GRM4: variants seen among roughly 807,000 people sequenced by gnomAD.
The protein encoded by GRM4 is metabotropic glutamate receptor 4.
In GRM4, 28 loss-of-function variants were observed where a neutral mutation model predicts 81.7. The ratio of observed to expected loss-of-function variants is 0.34; its 90% CI spans 0.25 to 0.47. The LOEUF (loss-of-function observed/expected upper bound fraction) is 0.47, where lower values mean the gene tolerates loss of function less well. Ranked by LOEUF, GRM4 falls within the 20% of genes least tolerant of loss-of-function variation. The probability of loss-of-function intolerance (pLI) is 1.00; values close to 1 mark genes in which losing one functional copy is unlikely to be tolerated. For missense variants in GRM4, 948 were observed against 1,290.0 expected (o/e 0.73, Z 4.06); for synonymous variants, 488 against 528.8 (o/e 0.92, Z 1.06).
intron 2 of GRM4, chr6:34,100,071 T>G (rs979079200): frequency 1.0e-6 from 1 of 982,884 alleles, no homozygotes; most frequent in African/African-American, 1.7e-5. Context: ...ACTCCTGCCC[T>G]GAGCATCTGG....
chr6:34,067,438 GTCCT>G (rs1336558101), intron 3 of GRM4, among the ~76,000 whole-genome samples: 1 of 39,234 alleles, frequency 2.5e-5, no homozygotes, highest in African/African-American at 1.0e-4. Flanking sequence ...CCCTCCCTCC[GTCCT>G]TCCTTCCCTC....
intron 8 of GRM4, among the ~76,000 whole-genome samples, chr6:34,038,312 C>T (rs1460725991): frequency 6.6e-6 from 1 of 152,254 alleles, no homozygotes. Flanking sequence ...CCCTTTGTTA[C>T]TTGGAGTGAC....
At position 34,136,732 on chromosome 6, in the gene GRM4, A is replaced by C. The variant is rs989946029; in HGVS notation, c.-363-2873T>G. 1.3e-5 allele frequency among the ~76,000 whole-genome samples: 2 copies of C among 152,004 alleles called. No homozygotes were observed. Among genetic ancestry groups the C allele is most frequent in the Non-Finnish European group, 2.9e-5 (2 of 68,002 alleles). ...CCCTGCGAGACTTCCCTCCCACAGG[A>C]CTGGGTCCCAGCCCCTGCCCACAGG... is the stretch of plus-strand genomic sequence containing the variant. On this transcript the variant is annotated intron_variant, in intron 1 of 10. Transcript: ENST00000538487. This position sits in a 1 kb window ranked among gnomAD's most constrained non-coding sequence, Gnocchi z 4.1.
intron 1 of GRM4, chr6:34,155,028 T>C: frequency 7.2e-7 from 1 of 1,398,572 alleles, no homozygotes; most frequent in Non-Finnish European, 9.6e-7. Flanking sequence ...GCTGGGCACC[T>C]CCCCGTCCCA....
chr6:34,133,367 G>C lies in GRM4; in HGVS notation c.130C>G (p.Arg44Gly). The C allele has an allele frequency of 6.2e-7, 1 of 1,614,020 alleles. No homozygotes were observed. The highest frequency in any genetic ancestry group is 1.7e-5 in the Admixed American group (1 of 60,030). Residue 44 changes from arginine to glycine, a missense_variant, in exon 2 of 11, where the codon CGC (arginine) becomes GGC (glycine). Transcript: ENST00000538487. The surrounding 1 kb of genome is among the most constrained non-coding windows in gnomAD (Gnocchi z 6.5). ...PKGHPHMNSI[R>G]IDGDITLGGL... is the part of the protein sequence containing the mutation. ...CCCAGTGTGATGTCCCCATCTATGC[G>C]GATGGAATTCATGTGAGGGTGGCCT...
chr6:34,061,338 A>G (rs1425798047), intron 4 of GRM4: 1 of 152,190 alleles, frequency 6.6e-6, no homozygotes, highest in African/African-American at 2.4e-5. Context: ...AGAACCAAAC[A>G]CAGCCCAGAG....
chr6:34,044,861 CAG>C (rs146290980), intron 6 of GRM4, among the ~76,000 whole-genome samples: 39,011 of 148,862 alleles, frequency 0.26, 6,413 homozygotes, highest in African/African-American at 0.44. Context: ...GACACACACA[CAG>C]ACATACATAC....
Position 34,035,502 on chromosome 6 carries a change from G to A in GRM4, c.2442+166C>T, listed in dbSNP as rs1295442380. Among the ~76,000 whole-genome samples the A allele has an allele frequency of 6.6e-6, 1 of 152,050 alleles. No homozygotes were observed. The highest frequency in any genetic ancestry group is 1.5e-5 in the Non-Finnish European group (1 of 68,010). ...AGAAAACTTGCAGCTGGGAGAGAAG[G>A]CAGAATGAGGCATGAAAGAAGGCAG... On this transcript the variant is annotated intron_variant, in intron 9 of 10. Transcript: ENST00000538487. The surrounding 1 kb of genome is among the most constrained non-coding windows in gnomAD (Gnocchi z 6.6).
chr6:34,058,261 G>C (rs1251589906), intron 5 of GRM4, among the ~76,000 whole-genome samples: 1 of 152,182 alleles, frequency 6.6e-6, no homozygotes, highest in South Asian at 2.1e-4. Context: ...CATGGGCCAG[G>C]GAGCTCCCTC....
intron 9 of GRM4, among the ~76,000 whole-genome samples, chr6:34,031,380 T>C (rs145357440): frequency 6.6e-6 from 1 of 152,258 alleles, no homozygotes; most frequent in East Asian, 1.9e-4. Flanking sequence ...CTGAGTTTGA[T>C]ACAGGAGGAC....
intron 8 of GRM4, among the ~76,000 whole-genome samples, chr6:34,037,216 C>T (rs537971412): frequency 6.6e-6 from 1 of 152,366 alleles, no homozygotes; most frequent in East Asian, 1.9e-4. Context: ...TTAATGTGTG[C>T]TCAGGGGTTA....
intron 10 of GRM4, among the ~76,000 whole-genome samples, 169 bp from the exon 11 acceptor site, chr6:34,023,039 C>T (rs1763966060): frequency 6.6e-6 from 1 of 152,266 alleles, no homozygotes; most frequent in Admixed American, 6.5e-5. Context: ...CCGGCCCCGC[C>T]TGGCCCACCC....
At chr6:34,139,051 G>C (rs545393108) in intron 1 of GRM4, among the ~76,000 whole-genome samples, 2 of 152,352 alleles carry the variant, frequency 1.3e-5, no homozygotes, top group Non-Finnish European at 2.9e-5. Context: ...GAGAAGCCCT[G>C]CTCCCAGGCA....
chr6:34,068,139 T>C lies in GRM4; in HGVS notation c.737-6111A>G, dbSNP rs1766583930. 6.6e-6 allele frequency among the ~76,000 whole-genome samples: 1 copy of C among 152,146 alleles called. No individual in the cohort carries two copies. The highest frequency in any genetic ancestry group is 6.5e-5 in the Admixed American group (1 of 15,286). ...GGTGCAGAGGAGGACAGCAGCAGCA[T>C]GACGTGCTGGAGGGAGACGGGGGGG... is the stretch of plus-strand genomic sequence containing the variant. On this transcript the variant is annotated intron_variant, in intron 3 of 10. Coordinates refer to ENST00000538487, the MANE Select transcript of GRM4 (RefSeq NM_000841.4). The surrounding 1 kb of genome is among the most constrained non-coding windows in gnomAD (Gnocchi z 4.2).
At chr6:34,148,771 C>T (rs768013776), upstream of GRM4, among the ~76,000 whole-genome samples, 2 of 152,206 alleles carry the variant, frequency 1.3e-5, no homozygotes, top group Non-Finnish European at 2.9e-5. Flanking sequence ...ATCAGTGAGA[C>T]CAGGGGCTGG....
chr6:34,091,345 T>G (rs1284884154), intron 3 of GRM4, among the ~76,000 whole-genome samples: 1 of 152,148 alleles, frequency 6.6e-6, no homozygotes, highest in Non-Finnish European at 1.5e-5. Flanking sequence ...GGGGGAGACC[T>G]CGAGGAGAAT....
chr6:34,154,145 T>C (rs529470868), intron 1 of GRM4, among the ~76,000 whole-genome samples: 1 of 152,330 alleles, frequency 6.6e-6, no homozygotes, highest in Non-Finnish European at 1.5e-5. Flanking sequence ...CCCCACTGCG[T>C]GGGCACTTGA....
At chr6:34,097,510 G>A (rs532146506) in intron 2 of GRM4, among the ~76,000 whole-genome samples, 1 of 152,290 alleles carries the variant, frequency 6.6e-6, no homozygotes, top group African/African-American at 2.4e-5. Flanking sequence ...CTGCCCTCAG[G>A]CTGCCCCAGG....
rs115006269 is a variant in GRM4 at position 34,022,010 on chromosome 6, C to T, written c.*811G>A. On this transcript the variant is annotated 3_prime_UTR_variant, in exon 11 of 11. Transcript: ENST00000538487. This position sits in a 1 kb window ranked among gnomAD's most constrained non-coding sequence, Gnocchi z 5.6. ...GCAGGCGGGCAAGACAGACGGCAGA[C>T]GGGCGGGGCAGGCGGGCAAGACACA... 0.054 allele frequency: 8,168 copies of T among 152,550 alleles called. 674 individuals carry two copies. The highest frequency in any genetic ancestry group is 0.18 in the African/African-American group (7,312 of 41,046). The allele number at this position is 152,550 out of a possible 1,614,324, so 9.4% of individuals were successfully genotyped here. A position where few individuals can be genotyped will look rare whatever the true frequency, so the allele number is the denominator to read the frequency against.
Sources: allele counts gnomAD v4.1 joint callset (sites outside exome capture counted in the v4.1 genomes callset), GRCh38; gene constraint gnomAD v4.1.1; non-coding constraint Gnocchi (gnomAD v3.1); transcripts MANE v1.5; gene names NCBI Gene and HGNC (gene_info 2026-07-23, HGNC 2026-07-21).